The following CDH12 variants were observed in gnomAD, a reference collection of about 807,000 sequenced individuals.
The protein encoded by CDH12 is cadherin-12.
CDH12 carries 41 observed loss-of-function variants against 74.1 expected under a neutral mutation model. That is an observed-to-expected ratio of 0.55 (90% CI 0.43 to 0.72). The LOEUF is 0.72. Ranked by LOEUF, CDH12 falls within the 30% of genes least tolerant of loss-of-function variation. The pLI, the probability that CDH12 is intolerant of heterozygous loss-of-function variation, is 0.00. For synonymous variants in CDH12, 399 were observed against 355.0 expected, an observed-to-expected ratio of 1.12 and a Z score of -1.39; for missense variants, 945 against 977.2, an observed-to-expected ratio of 0.97 and a Z score of 0.44.
chr5:21,864,892 T>C (rs1299632225), intron 6 of CDH12, among the ~76,000 whole-genome samples: 1 of 152,186 alleles, frequency 6.6e-6, no homozygotes, highest in Admixed American at 6.6e-5. Context: ...AGGGTTGTTC[T>C]TATGCAGTCT....
At chr5:21,924,255 C>T (rs566197668) in intron 6 of CDH12, among the ~76,000 whole-genome samples, 4 of 152,242 alleles carry the variant, frequency 2.6e-5, no homozygotes, top group African/African-American at 4.8e-5. Flanking sequence ...TGGCCGGGCA[C>T]GGTGGTTCAC....
intron 5 of CDH12, among the ~76,000 whole-genome samples, chr5:22,058,013 CT>C (rs1250266923): frequency 6.9e-6 from 1 of 144,474 alleles, no homozygotes; most frequent in Non-Finnish European, 1.5e-5. Context: ...ATCTATCTAT[CT>C]ATCTATCTAT....
At chr5:21,854,995 G>A (rs979002639) in intron 6 of CDH12, among the ~76,000 whole-genome samples, 2 of 151,650 alleles carry the variant, frequency 1.3e-5, no homozygotes, top group East Asian at 3.9e-4. Flanking sequence ...GTTTAAATAC[G>A]CATTTTAAAA....
At chr5:22,752,638 C>A in intron 1 of CDH12, among the ~76,000 whole-genome samples, 1 of 29,240 alleles carries the variant, frequency 3.4e-5, no homozygotes, top group Non-Finnish European at 6.6e-5. Context: ...GTGGCGAGAT[C>A]TCCTCTCACT....
intron 6 of CDH12, among the ~76,000 whole-genome samples, chr5:21,872,894 C>CATCAATCTATCTATCT (rs142549636): frequency 6.8e-6 from 1 of 146,750 alleles, no homozygotes; most frequent in Middle Eastern, 3.2e-3. Flanking sequence ...ACCTATCATC[C>CATCAATCTATCTATCT]ATCTATCTAT....
At chr5:21,982,691 G>A (rs1465344826) in intron 5 of CDH12, among the ~76,000 whole-genome samples, 2 of 150,718 alleles carry the variant, frequency 1.3e-5, no homozygotes, top group Non-Finnish European at 3.0e-5. Flanking sequence ...TTTTCTTTGA[G>A]AACACCTACT....
intron 3 of CDH12, among the ~76,000 whole-genome samples, chr5:22,391,833 T>G (rs1347637521): frequency 1.3e-5 from 2 of 152,226 alleles, no homozygotes; most frequent in Non-Finnish European, 2.9e-5. Context: ...CTTCCATATT[T>G]TATAGACTTT....
At chr5:21,950,362 T>A (rs931271496) in intron 6 of CDH12, among the ~76,000 whole-genome samples, 15 of 149,324 alleles carry the variant, frequency 1.0e-4, no homozygotes, top group African/African-American at 3.6e-4. Context: ...ATAAATAAAT[T>A]AAGATGGAAA....
At chr5:22,243,025 GTC>G (rs1411626058) in intron 3 of CDH12, among the ~76,000 whole-genome samples, 1 of 151,838 alleles carries the variant, frequency 6.6e-6, no homozygotes, top group Non-Finnish European at 1.5e-5. Context: ...AGATCTACTT[GTC>G]TTTGTTAAAC....
At chr5:22,499,821 C>A (rs905192867) in intron 2 of CDH12, among the ~76,000 whole-genome samples, 2 of 151,984 alleles carry the variant, frequency 1.3e-5, no homozygotes, top group African/African-American at 2.4e-5. Context: ...AAAATATGAA[C>A]GAAAATATAT....
In CDH12 at chr5:22,059,465, T is replaced by C. The variant is rs574150111; in HGVS notation, c.231+18981A>G. 2.4e-4 allele frequency among the ~76,000 whole-genome samples: 37 copies of C among 152,272 alleles called. No individual in the cohort carries two copies. In the South Asian group the frequency reaches 7.7e-3, roughly 32 times the overall value. The stretch of plus-strand genomic sequence containing the variant: ...TAAAAGGTACTATTTGAAATGTATT[T>C]GTGAAAGTAAGCTGACTTAGTCAAC... On this transcript the variant is annotated intron_variant, in intron 5 of 14. Coordinates refer to ENST00000382254, the MANE Select transcript of CDH12 (RefSeq NM_004061.5).
At chr5:22,396,855 C>T (rs1429924354) in intron 3 of CDH12, among the ~76,000 whole-genome samples, 1 of 152,100 alleles carries the variant, frequency 6.6e-6, no homozygotes, top group African/African-American at 2.4e-5. Flanking sequence ...CATGGTTTCT[C>T]TCCTACTGTC....
At chr5:21,932,585 AAAAAAT>A (rs1342655574) in intron 6 of CDH12, among the ~76,000 whole-genome samples, 13 of 152,072 alleles carry the variant, frequency 8.5e-5, no homozygotes, top group African/African-American at 2.9e-4. Context: ...CACATCATTC[AAAAAAT>A]AAAAATAAAA....
intron 1 of CDH12, chr5:22,580,615 T>C (rs2126782411): frequency 2.1e-6 from 1 of 484,730 alleles, no homozygotes; most frequent in South Asian, 1.6e-5. Context: ...CTGAAGTACA[T>C]ACCCCACATA....
chr5:22,097,939 C>A (rs1345631122), intron 4 of CDH12, among the ~76,000 whole-genome samples: 1 of 152,128 alleles, frequency 6.6e-6, no homozygotes, highest in Non-Finnish European at 1.5e-5. Flanking sequence ...TTTCACCTGT[C>A]CTAAAACCAG....
chr5:22,836,362 TAC>T (rs942650554), intron 1 of CDH12, among the ~76,000 whole-genome samples: 1 of 151,514 alleles, frequency 6.6e-6, no homozygotes, highest in Non-Finnish European at 1.5e-5. Flanking sequence ...TAGCTGGGAC[TAC>T]AGTCATGCAC....
chr5:21,933,516 G>A (rs1388139444), intron 6 of CDH12, among the ~76,000 whole-genome samples: 1 of 152,134 alleles, frequency 6.6e-6, no homozygotes, highest in East Asian at 1.9e-4. Context: ...ATTGCAAAGT[G>A]GGAGGAAGGT....
chr5:21,878,304 A>G (rs181949367), intron 6 of CDH12, among the ~76,000 whole-genome samples: 75 of 152,332 alleles, frequency 4.9e-4, no homozygotes, highest in Non-Finnish European at 8.4e-4. Context: ...TTGTAATGCA[A>G]TTACTCAAAG....
intron 6 of CDH12, among the ~76,000 whole-genome samples, chr5:21,940,743 T>C (rs1376026215): frequency 2.6e-5 from 4 of 152,212 alleles, no homozygotes; most frequent in Non-Finnish European, 5.9e-5. Flanking sequence ...TTGCTTCATG[T>C]AGTTAAACTT....
Sources: gnomAD v4.1 joint callset for allele counts (sites outside exome capture counted in the v4.1 genomes callset) on GRCh38, gnomAD v4.1.1 for gene constraint, MANE v1.5 for transcripts, NCBI Gene and HGNC (gene_info 2026-07-23, HGNC 2026-07-21) for gene names.